The following FHIT variants were observed in gnomAD, a reference collection of about 807,000 sequenced individuals.
The protein encoded by FHIT is bis(5'-adenosyl)-triphosphatase.
In FHIT, 19 loss-of-function variants were observed where a neutral mutation model predicts 17.9. The ratio of observed to expected loss-of-function variants is 1.06; its 90% CI spans 0.74 to 1.56. The LOEUF is 1.56. FHIT is among the 40% of genes most tolerant of loss of function. The pLI is 0.00. For missense variants in FHIT, 248 were observed against 189.2 expected (o/e 1.31, Z -1.82); for synonymous variants, 81 against 69.7 (o/e 1.16, Z -0.81).
chr3:60,722,966 C>T (rs2041841664), intron 4 of FHIT, among the ~76,000 whole-genome samples: 2 of 152,072 alleles, frequency 1.3e-5, no homozygotes, highest in South Asian at 4.1e-4. Flanking sequence ...AGTGATTTGC[C>T]CGCCTCGGCC....
intron 8 of FHIT, among the ~76,000 whole-genome samples, chr3:59,869,484 CTTTTT>C (rs59589849): frequency 1.9e-5 from 2 of 105,486 alleles, no homozygotes; most frequent in African/African-American, 4.1e-5. Context: ...AAAGAACATC[CTTTTT>C]TTTTTTTTTT....
At chr3:60,940,137 T>A (rs1708346491) in intron 3 of FHIT, among the ~76,000 whole-genome samples, 1 of 152,146 alleles carries the variant, frequency 6.6e-6, no homozygotes, top group African/African-American at 2.4e-5. Flanking sequence ...TTCTACGGGA[T>A]AAAGACTGGG....
chr3:60,526,049 G>T (rs2035562107), intron 5 of FHIT, among the ~76,000 whole-genome samples: 1 of 152,120 alleles, frequency 6.6e-6, no homozygotes, highest in Admixed American at 6.5e-5. Context: ...GCTGCAGTGA[G>T]TCAAGGTTGT....
intron 5 of FHIT, among the ~76,000 whole-genome samples, chr3:60,216,922 A>G (rs1344237721): frequency 1.3e-5 from 2 of 152,130 alleles, no homozygotes. Context: ...TGACATCTGG[A>G]TACTCAGGAT....
At chr3:59,778,349 T>C (rs546540203) in intron 8 of FHIT, among the ~76,000 whole-genome samples, 3 of 152,326 alleles carry the variant, frequency 2.0e-5, no homozygotes, top group African/African-American at 7.2e-5. Context: ...CTTCCATTTG[T>C]TGAATGACCA....
chr3:61,155,229 C>T (rs1472976175), intron 2 of FHIT, among the ~76,000 whole-genome samples: 1 of 152,164 alleles, frequency 6.6e-6, no homozygotes, highest in African/African-American at 2.4e-5. Flanking sequence ...CTTATGAGCA[C>T]ACCCATTTCA....
intron 7 of FHIT, among the ~76,000 whole-genome samples, chr3:59,996,597 T>C (rs562534631): frequency 6.6e-6 from 1 of 152,198 alleles, no homozygotes; most frequent in South Asian, 2.1e-4. Flanking sequence ...TAATTAAAGT[T>C]ATGCTTCTAA....
At chr3:60,787,002 A>T (rs1223299223) in intron 4 of FHIT, among the ~76,000 whole-genome samples, 1 of 112,034 alleles carries the variant, frequency 8.9e-6, no homozygotes, top group African/African-American at 4.5e-5. Context: ...ATAAGACAAA[A>T]AGAAAAAAAA....
chr3:60,154,437 C>T (rs1345232665), intron 5 of FHIT, among the ~76,000 whole-genome samples: 1 of 152,154 alleles, frequency 6.6e-6, no homozygotes, highest in Non-Finnish European at 1.5e-5. Flanking sequence ...TTACAATCAA[C>T]ATATAGAAGC....
chr3:60,873,885 C>T (rs1009306787), intron 3 of FHIT, among the ~76,000 whole-genome samples: 5 of 152,152 alleles, frequency 3.3e-5, no homozygotes. Context: ...GCAAGGTAAA[C>T]AGCAGGGCTT....
chr3:60,849,465 A>ATATAT (rs1559769296), intron 3 of FHIT, among the ~76,000 whole-genome samples: 3 of 120,676 alleles, frequency 2.5e-5, no homozygotes, highest in Admixed American at 1.6e-4. Context: ...TATATATATA[A>ATATAT]AATTATTATG....
At chr3:60,325,020 T>C (rs1339834959) in intron 5 of FHIT, among the ~76,000 whole-genome samples, 1 of 152,192 alleles carries the variant, frequency 6.6e-6, no homozygotes, top group African/African-American at 2.4e-5. Context: ...CTGTTTCTAC[T>C]GTGCTAATAT....
intron 5 of FHIT, among the ~76,000 whole-genome samples, chr3:60,429,426 A>G (rs1339780298): frequency 1.3e-5 from 2 of 152,060 alleles, no homozygotes; most frequent in Non-Finnish European, 2.9e-5. Flanking sequence ...AACCCAAGCA[A>G]AAAGAAGGAA....
At chr3:60,921,246 C>T (rs1174715480) in intron 3 of FHIT, among the ~76,000 whole-genome samples, 8 of 152,150 alleles carry the variant, frequency 5.3e-5, no homozygotes, top group African/African-American at 1.9e-4. Context: ...CGTATTGAAC[C>T]ACTCCTTTCA....
intron 1 of FHIT, among the ~76,000 whole-genome samples, chr3:61,241,784 C>A (rs994637542): frequency 6.6e-6 from 1 of 152,178 alleles, no homozygotes; most frequent in African/African-American, 2.4e-5. Flanking sequence ...AAATGTGTAT[C>A]TTTTGTGAAC....
intron 5 of FHIT, among the ~76,000 whole-genome samples, chr3:60,466,504 T>C (rs2032801154): frequency 6.6e-6 from 1 of 152,038 alleles, no homozygotes; most frequent in Admixed American, 6.6e-5. Context: ...ATATTAGCTG[T>C]GGGTCTGTCA....
At chr3:60,561,723 G>A (rs947907714) in intron 4 of FHIT, among the ~76,000 whole-genome samples, 1 of 152,176 alleles carries the variant, frequency 6.6e-6, no homozygotes, top group Non-Finnish European at 1.5e-5. Flanking sequence ...AGGAATGTCT[G>A]TGACTATGCT....
intron 5 of FHIT, among the ~76,000 whole-genome samples, chr3:60,028,434 A>C (rs1049727840): frequency 1.3e-5 from 2 of 152,202 alleles, no homozygotes; most frequent in African/African-American, 2.4e-5. Context: ...ATGATCAGAG[A>C]CCAGTCACAT....
intron 5 of FHIT, among the ~76,000 whole-genome samples, chr3:60,247,540 T>C (rs2107584809): frequency 6.6e-6 from 1 of 152,290 alleles, no homozygotes; most frequent in East Asian, 1.9e-4. Flanking sequence ...GTTTACAAAA[T>C]TAAACATTTG....
Sources: gnomAD v4.1 joint callset for allele counts (sites outside exome capture counted in the v4.1 genomes callset) on GRCh38, gnomAD v4.1.1 for gene constraint, MANE v1.5 for transcripts, NCBI Gene and HGNC (gene_info 2026-07-23, HGNC 2026-07-21) for gene names.